Variants in CABCOCO1 observed in about 807,000 individuals in gnomAD.
CABCOCO1 encodes the protein ciliary-associated calcium-binding coiled-coil protein 1.
Under a neutral mutation model 35.7 loss-of-function variants are expected in CABCOCO1, and 28 were observed. The observed-to-expected ratio is 0.78, with a 90% CI of 0.58 to 1.07. CABCOCO1 has a LOEUF of 1.07. Ranked by LOEUF, CABCOCO1 falls within the 50% of genes least tolerant of loss-of-function variation. CABCOCO1 has a pLI of 0.00. For synonymous variants in CABCOCO1, 95 were observed against 100.1 expected (o/e 0.95, Z 0.30); for missense variants, 326 against 309.2 (o/e 1.05, Z -0.41).
At chr10:61,726,046 G>T (rs1841140956) in intron 5 of CABCOCO1, among the ~76,000 whole-genome samples, 1 of 152,148 alleles carries the variant, frequency 6.6e-6, no homozygotes, top group African/African-American at 2.4e-5. Flanking sequence ...ACTGTTTGTG[G>T]AATCTTAAAT....
intron 2 of CABCOCO1, among the ~76,000 whole-genome samples, chr10:61,673,819 G>A (rs1471129493): frequency 1.3e-5 from 2 of 152,170 alleles, no homozygotes; most frequent in East Asian, 1.9e-4. Flanking sequence ...AGATTTTTAA[G>A]CAAGTATCTC....
At chr10:61,730,560 C>T (rs1841279616) in intron 5 of CABCOCO1, among the ~76,000 whole-genome samples, 1 of 151,964 alleles carries the variant, frequency 6.6e-6, no homozygotes, top group African/African-American at 2.4e-5. Flanking sequence ...AATGAATGAT[C>T]AAAGAGTGCT....
intron 5 of CABCOCO1, among the ~76,000 whole-genome samples, chr10:61,719,076 A>G (rs1840936445): frequency 6.6e-6 from 1 of 152,232 alleles, no homozygotes; most frequent in Non-Finnish European, 1.5e-5. Context: ...TTACTAATGG[A>G]ATAAAATAAT....
rs183690480 is a variant in CABCOCO1, at chr10:61,715,646, C to T, written c.552+25025C>T. Among the ~76,000 whole-genome samples the T allele has an allele frequency of 2.4e-3, 363 of 152,188 alleles. 2 individuals are homozygous for T. The highest frequency in any genetic ancestry group is 8.4e-3 in the African/African-American group (349 of 41,514). ...AATTTGGCATGTTTTTGCAGTGGCTCGTACCGGTTGTTTCTTTCCATGTTT... is the reference window on the plus strand; with the variant it reads ...AATTTGGCATGTTTTTGCAGTGGCTTGTACCGGTTGTTTCTTTCCATGTTT... On this transcript the variant is annotated intron_variant, in intron 5 of 7. Coordinates refer to ENST00000648843, the MANE Select transcript of CABCOCO1 (RefSeq NM_001366906.2).
intron 5 of CABCOCO1, among the ~76,000 whole-genome samples, chr10:61,719,241 C>T (rs1026945677): frequency 3.3e-5 from 5 of 152,048 alleles, no homozygotes; most frequent in Admixed American, 6.5e-5. Flanking sequence ...CTTCTTGGAA[C>T]GGTAATGACA....
chr10:61,752,846 G>A (rs1319712252), intron 5 of CABCOCO1, among the ~76,000 whole-genome samples: 1 of 152,160 alleles, frequency 6.6e-6, no homozygotes, highest in South Asian at 2.1e-4. Flanking sequence ...CCCACTTTCA[G>A]TTGTGGACTT....
At chr10:61,709,972 G>A (rs1005268935) in intron 5 of CABCOCO1, among the ~76,000 whole-genome samples, 7 of 151,924 alleles carry the variant, frequency 4.6e-5, no homozygotes, top group African/African-American at 1.7e-4. Context: ...TAAAGCATGA[G>A]TGACTTCATA....
intron 5 of CABCOCO1, among the ~76,000 whole-genome samples, chr10:61,713,484 T>G (rs1840782185): frequency 6.6e-6 from 1 of 152,206 alleles, no homozygotes; most frequent in African/African-American, 2.4e-5. Context: ...CCTCTTTTCC[T>G]AATTGAATAC....
chr10:61,756,257 G>A (rs1036405509), intron 5 of CABCOCO1, among the ~76,000 whole-genome samples: 9 of 151,952 alleles, frequency 5.9e-5, no homozygotes, highest in African/African-American at 2.2e-4. Flanking sequence ...TAACACTAAT[G>A]CAATGTGCAC....
At chr10:61,739,738 C>T (rs372039555) in intron 5 of CABCOCO1, among the ~76,000 whole-genome samples, 2 of 151,850 alleles carry the variant, frequency 1.3e-5, no homozygotes, top group African/African-American at 4.8e-5. Flanking sequence ...GTCAGGAGAT[C>T]GAGACCATCC....
chr10:61,728,868 T>G (rs767712497), intron 5 of CABCOCO1, among the ~76,000 whole-genome samples: 1 of 152,136 alleles, frequency 6.6e-6, no homozygotes, highest in African/African-American at 2.4e-5. Flanking sequence ...ATTCTCCTTC[T>G]TGAAGTCATG....
intron 2 of CABCOCO1, among the ~76,000 whole-genome samples, chr10:61,679,598 TA>T (rs1176775540): frequency 2.0e-5 from 3 of 152,222 alleles, no homozygotes; most frequent in African/African-American, 7.2e-5. Flanking sequence ...TGCTAGTTTG[TA>T]ACTTGGCCAG....
intron 5 of CABCOCO1, chr10:61,701,958 A>C (rs1160684900): frequency 7.4e-6 from 2 of 272,034 alleles, no homozygotes; most frequent in East Asian, 3.5e-4. Context: ...ATTTTTACTA[A>C]ATAAATGCAA....
chr10:61,755,531 T>C (rs539490873), intron 5 of CABCOCO1, among the ~76,000 whole-genome samples: 1 of 152,248 alleles, frequency 6.6e-6, no homozygotes, highest in Admixed American at 6.5e-5. Flanking sequence ...CAAATGTCTT[T>C]ACAAAGCAAA....
chr10:61,738,063 A>C (rs1200306581), intron 5 of CABCOCO1, among the ~76,000 whole-genome samples: 1 of 151,530 alleles, frequency 6.6e-6, no homozygotes, highest in East Asian at 1.9e-4. Context: ...TTAAAAAAAA[A>C]AAAAACAAAG....
intron 3 of CABCOCO1, among the ~76,000 whole-genome samples, chr10:61,685,681 C>T (rs1054826908): frequency 1.3e-5 from 2 of 152,142 alleles, no homozygotes; most frequent in East Asian, 1.9e-4. Flanking sequence ...CCAACTCAGC[C>T]CCCCAAGTAG....
intron 5 of CABCOCO1, among the ~76,000 whole-genome samples, chr10:61,757,700 G>GACACACACACACAC (rs67841126): frequency 8.9e-4 from 131 of 147,868 alleles, no homozygotes; most frequent in African/African-American, 3.1e-3. Flanking sequence ...CACACACACA[G>GACACACACACACAC]ACACACACAC....
chr10:61,734,618 A>G (rs7899171), intron 5 of CABCOCO1, among the ~76,000 whole-genome samples: 18,054 of 152,102 alleles, frequency 0.12, 1,422 homozygotes, highest in African/African-American at 0.19. Flanking sequence ...CTTCACATAA[A>G]TCTTTTTAAA....
At chr10:61,738,019 C>T (rs10994904) in intron 5 of CABCOCO1, among the ~76,000 whole-genome samples, 2 of 149,472 alleles carry the variant, frequency 1.3e-5, no homozygotes, top group Admixed American at 1.3e-4. Flanking sequence ...CCAATTAAAG[C>T]GTATACAAAA....
Sources: allele counts gnomAD v4.1 joint callset (sites outside exome capture counted in the v4.1 genomes callset), GRCh38; gene constraint gnomAD v4.1.1; transcripts MANE v1.5; gene names NCBI Gene and HGNC (gene_info 2026-07-23, HGNC 2026-07-21).